The following RIT2 variants were observed in gnomAD, a reference collection of about 807,000 sequenced individuals.
RIT2 encodes Ras like without CAAX 2.
A neutral mutation model predicts 23.7 loss-of-function variants in RIT2; 24 were observed. The observed-to-expected ratio is 1.01, with a 90% CI of 0.73 to 1.43. The LOEUF is 1.43. Among genes scored for constraint, RIT2 ranks in the 40% most tolerant of loss-of-function variants. RIT2 has a pLI of 0.00. For missense variants in RIT2, 236 were observed against 266.9 expected (o/e 0.88, Z 0.81); for synonymous variants, 107 against 91.1 (o/e 1.17, Z -0.99).
chr18:43,093,966 G>A (rs1281597972), intron 1 of RIT2, among the ~76,000 whole-genome samples: 1 of 152,012 alleles, frequency 6.6e-6, no homozygotes, highest in East Asian at 1.9e-4. Context: ...CTGGAACTGG[G>A]GTAAGGCAGG....
chr18:43,026,588 GAAA>G (rs1568059825), intron 2 of RIT2, among the ~76,000 whole-genome samples: 89 of 109,704 alleles, frequency 8.1e-4, no homozygotes, highest in Non-Finnish European at 1.6e-3. Context: ...AAGAAAGAAA[GAAA>G]GAAAGAAAGA....
At chr18:42,833,101 T>C (rs2144011951) in intron 4 of RIT2, among the ~76,000 whole-genome samples, 1 of 151,456 alleles carries the variant, frequency 6.6e-6, no homozygotes, top group South Asian at 2.1e-4. Context: ...TATCTAATTG[T>C]ATGTTTGTAC....
At chr18:42,765,663 A>G (rs1598645182) in intron 4 of RIT2, among the ~76,000 whole-genome samples, 1 of 152,324 alleles carries the variant, frequency 6.6e-6, no homozygotes, top group South Asian at 2.1e-4. Flanking sequence ...GACTAACGGG[A>G]AAGACTATTC....
At chr18:42,942,499 T>C (rs1475361056) in intron 3 of RIT2, among the ~76,000 whole-genome samples, 3 of 152,140 alleles carry the variant, frequency 2.0e-5, no homozygotes, top group Non-Finnish European at 4.4e-5. Flanking sequence ...GTCACAAATA[T>C]AGTCATTTTC....
At chr18:42,815,022 C>A (rs756217404) in intron 4 of RIT2, among the ~76,000 whole-genome samples, 1 of 152,162 alleles carries the variant, frequency 6.6e-6, no homozygotes, top group Admixed American at 6.5e-5. Context: ...ATCTGAACAA[C>A]AGCCTTCAGC....
intron 4 of RIT2, among the ~76,000 whole-genome samples, chr18:42,794,581 GTTAA>G (rs1453793575): frequency 6.6e-6 from 1 of 152,166 alleles, no homozygotes. Context: ...AATACAGATA[GTTAA>G]ATCTTAGAGA....
At chr18:42,867,962 T>C (rs144827512) in intron 4 of RIT2, among the ~76,000 whole-genome samples, 1 of 152,320 alleles carries the variant, frequency 6.6e-6, no homozygotes, top group African/African-American at 2.4e-5. Flanking sequence ...CACAGGCTAT[T>C]CCACTGTGTG....
At chr18:42,753,347 A>G (rs1156571028) in intron 4 of RIT2, among the ~76,000 whole-genome samples, 7 of 152,324 alleles carry the variant, frequency 4.6e-5, no homozygotes, top group Admixed American at 1.3e-4. Context: ...CTAATAAGCT[A>G]TATAATTCCT....
chr18:43,085,603 CTG>C, intron 1 of RIT2, among the ~76,000 whole-genome samples: 1 of 152,116 alleles, frequency 6.6e-6, no homozygotes, highest in East Asian at 1.9e-4. Context: ...ATTTGTCTTT[CTG>C]TGTTTGGCTT....
chr18:43,086,289 A>G (rs1913281026), intron 1 of RIT2, among the ~76,000 whole-genome samples: 2 of 152,194 alleles, frequency 1.3e-5, no homozygotes, highest in Non-Finnish European at 2.9e-5. Context: ...TAGACATTAC[A>G]ACTGATACAA....
chr18:42,976,034 A>T (rs1910470544), intron 2 of RIT2, among the ~76,000 whole-genome samples: 1 of 152,032 alleles, frequency 6.6e-6, no homozygotes, highest in Non-Finnish European at 1.5e-5. Flanking sequence ...TCTTGAACTC[A>T]TTGGTAGTTT....
chr18:43,015,517 A>G (rs1203226832), intron 2 of RIT2, among the ~76,000 whole-genome samples: 1 of 151,768 alleles, frequency 6.6e-6, no homozygotes, highest in African/African-American at 2.4e-5. Context: ...TTTCAGGTAT[A>G]TGAGATAGAA....
chr18:42,788,423 T>G (rs1367371223), intron 4 of RIT2, among the ~76,000 whole-genome samples: 1 of 152,174 alleles, frequency 6.6e-6, no homozygotes, highest in Non-Finnish European at 1.5e-5. Context: ...ACCAAGTTAA[T>G]AAATGCTCCA....
intron 1 of RIT2, among the ~76,000 whole-genome samples, chr18:43,048,620 C>T (rs1344815025): frequency 2.0e-5 from 3 of 152,168 alleles, no homozygotes; most frequent in African/African-American, 2.4e-5. Context: ...ACCAGACAAT[C>T]GTAAGTTCTT....
intron 4 of RIT2, among the ~76,000 whole-genome samples, chr18:42,912,668 T>A (rs1312173459): frequency 6.6e-6 from 1 of 151,876 alleles, no homozygotes; most frequent in Non-Finnish European, 1.5e-5. Context: ...ATAACAAAAA[T>A]ATAATACCAT....
At chr18:42,786,844 A>T (rs1232494353) in intron 4 of RIT2, among the ~76,000 whole-genome samples, 1 of 152,010 alleles carries the variant, frequency 6.6e-6, no homozygotes, top group Non-Finnish European at 1.5e-5. Flanking sequence ...GCTCCCGAGA[A>T]CTTCCCCGTG....
At chr18:42,939,317 C>T (rs1360328149) in intron 3 of RIT2, among the ~76,000 whole-genome samples, 1 of 151,978 alleles carries the variant, frequency 6.6e-6, no homozygotes, top group Non-Finnish European at 1.5e-5. Context: ...GAGTACCTAC[C>T]CCATAAGGTT....
intron 4 of RIT2, among the ~76,000 whole-genome samples, chr18:42,769,346 T>A (rs1040077332): frequency 1.3e-5 from 2 of 151,950 alleles, no homozygotes; most frequent in African/African-American, 4.8e-5. Flanking sequence ...AGTTATCAAG[T>A]TTTTTTTCAG....
At chr18:42,813,661 C>G (rs1269589563) in intron 4 of RIT2, among the ~76,000 whole-genome samples, 1 of 152,080 alleles carries the variant, frequency 6.6e-6, no homozygotes, top group Non-Finnish European at 1.5e-5. Flanking sequence ...CATTTAGTAA[C>G]CTTCTGGTGA....
Sources: allele counts gnomAD v4.1 joint callset (sites outside exome capture counted in the v4.1 genomes callset), GRCh38; gene constraint gnomAD v4.1.1; transcripts MANE v1.5; gene names NCBI Gene and HGNC (gene_info 2026-07-23, HGNC 2026-07-21).